The following POF1B variants were observed in gnomAD, a reference collection of about 807,000 sequenced individuals.
POF1B encodes protein POF1B.
POF1B carries 53 observed loss-of-function variants against 55.3 expected under a neutral mutation model. The ratio of observed to expected loss-of-function variants is 0.96; its 90% CI spans 0.77 to 1.20. The LOEUF (loss-of-function observed/expected upper bound fraction) is 1.20, where lower values mean the gene tolerates loss of function less well. POF1B is among the 50% of genes most tolerant of loss of function. The pLI, the probability that POF1B is intolerant of heterozygous loss-of-function variation, is 0.00. For missense variants in POF1B, 478 were observed against 420.5 expected, an observed-to-expected ratio of 1.14 and a Z score of -1.20; for synonymous variants, 188 against 148.3, an observed-to-expected ratio of 1.27 and a Z score of -1.95.
chrX:85,330,589 G>A (rs778566724), intron 7 of POF1B, among the ~76,000 whole-genome samples: 1 of 111,424 alleles, frequency 9.0e-6, no homozygotes, highest in Non-Finnish European at 1.9e-5. Context: ...AAAAGGGCTT[G>A]TGTTTTTTGT....
rs143029658 is a variant in POF1B, at chrX:85,351,391, C to A, written c.499G>T (p.Glu167Ter). 15 of 1,195,471 alleles carry A rather than the reference C, an allele frequency of 1.3e-5. No homozygotes were observed. The highest frequency in any genetic ancestry group is 1.6e-5 in the Non-Finnish European group (14 of 886,102). Residue 167 changes from glutamate to a stop codon, truncating the protein, a stop_gained, in exon 5 of 17, where the codon GAA becomes TAA. Coordinates refer to ENST00000262753, the MANE Select transcript of POF1B (RefSeq NM_024921.4). LOFTEE classifies it high-confidence loss of function. The stretch of plus-strand genomic sequence containing the variant: ...TTCTCCACTTTTCTTATTGTTTTTT[C>A]ATAAATAACATTGTTTCCTGGGAAG... Reference protein sequence around the residue: ...HFFPGNNVIYEKTIRKVEKLN... With the variant: ...HFFPGNNVIY
At chrX:85,378,746 C>T (rs1278926877) in intron 2 of POF1B, among the ~76,000 whole-genome samples, 2 of 112,155 alleles carry the variant, frequency 1.8e-5, no homozygotes, top group Admixed American at 1.9e-4. Context: ...TTGCTTATCA[C>T]TCAGACATGC....
At chrX:85,378,250 AGCATC>A (rs1933953840) in intron 2 of POF1B, among the ~76,000 whole-genome samples, 1 of 111,954 alleles carries the variant, frequency 8.9e-6, no homozygotes, top group Non-Finnish European at 1.9e-5. Flanking sequence ...AATGTAACAT[AGCATC>A]ATATCCCAAT....
At chrX:85,286,208 C>A (rs1932050701) in intron 15 of POF1B, among the ~76,000 whole-genome samples, 1 of 110,986 alleles carries the variant, frequency 9.0e-6, no homozygotes, top group Admixed American at 9.6e-5. Context: ...TTGATTATTA[C>A]AGAGTTGTTA....
rs1932767012 is a variant in POF1B at position 85,314,579 on chromosome X, T to C, written c.883-73A>G. 4 of 701,667 alleles carry C rather than the reference T, an allele frequency of 5.7e-6. No individual in the cohort carries two copies. The East Asian group carries it at 1.5e-4, about 27-fold the overall frequency. 57.8% of individuals were successfully genotyped at this position (701,667 alleles called of 1,213,427 possible). Reference sequence around the variant, plus strand: ...AAGATCAGCAATCCACAGACTTTTGTGTAATGGGACATATTTTAGGAATAT... The same window carrying C: ...AAGATCAGCAATCCACAGACTTTTGCGTAATGGGACATATTTTAGGAATAT... On this transcript the variant is annotated intron_variant, in intron 8 of 16. Transcript: ENST00000262753.
chrX:85,329,258 A>C (rs188604631), intron 7 of POF1B, among the ~76,000 whole-genome samples: 40 of 111,980 alleles, frequency 3.6e-4, no homozygotes, highest in African/African-American at 1.3e-3. Flanking sequence ...GAAATATTTT[A>C]AAATAATGAA....
At chrX:85,379,149 C>G (rs763183943) in intron 2 of POF1B, 24 bp downstream of exon 2, 4 of 1,199,695 alleles carry the variant, frequency 3.3e-6, no homozygotes, top group Non-Finnish European at 4.5e-6. Context: ...CTCCACTAGT[C>G]TGGCATAGCT....
Position 85,307,200 on chromosome X carries a change from A to G in POF1B, c.1127T>C (p.Leu376Pro). 1 of 1,207,140 alleles carries G rather than the reference A, an allele frequency of 8.3e-7. No homozygotes were observed. Among genetic ancestry groups the G allele is most frequent in the Non-Finnish European group, 1.1e-6 (1 of 893,220 alleles). The change falls in exon 11 of 17, where the codon CTC (leucine) becomes CCC (proline). Residue 376 changes from leucine to proline, a missense_variant. Coordinates refer to ENST00000262753, the MANE Select transcript of POF1B (RefSeq NM_024921.4). The part of the protein sequence containing the change: ...KDTQLKEYEE[L>P]LASVRANNHQ... ...ATTATTTGCTCTCACTGATGCCAAG[A>G]GTTCTTCGTACTCTTTTAATTGAGT...
intron 2 of POF1B, among the ~76,000 whole-genome samples, chrX:85,375,735 G>T (rs1933909575): frequency 9.0e-6 from 1 of 111,253 alleles, no homozygotes; most frequent in African/African-American, 3.3e-5. Context: ...TGCAACCAAA[G>T]AAAAAGCACA....
intron 4 of POF1B, among the ~76,000 whole-genome samples, chrX:85,351,688 T>C (rs955805474): frequency 9.0e-6 from 1 of 110,660 alleles, no homozygotes; most frequent in African/African-American, 3.3e-5. Context: ...CCTAATAACG[T>C]CTTTTGTGGA....
Position 85,309,604 on chromosome X carries a change from C to A in POF1B, c.958-1388G>T, listed in dbSNP as rs758942761. ...CTGGTGATCTAGTTACATCAATGGA[C>A]AACAAAAGTCCTGAGAAAAGCCTTC... On this transcript the variant is annotated intron_variant, in intron 9 of 16. Transcript: ENST00000262753. Among the ~76,000 whole-genome samples, 8 of 110,966 alleles carry A rather than the reference C, an allele frequency of 7.2e-5. No individual in the cohort carries two copies. The East Asian group carries it at 2.3e-3, about 32-fold the overall frequency.
In POF1B at chrX:85,279,095, T is replaced by C; in HGVS notation, c.*326A>G. The C allele has an allele frequency of 5.5e-6, 1 of 183,232 alleles. No homozygotes were observed. The highest frequency in any genetic ancestry group is 9.9e-5 in the East Asian group (1 of 10,069). The allele number at this position is 183,232 out of a possible 1,213,427, so 15.1% of individuals were successfully genotyped here. On this transcript the variant is annotated 3_prime_UTR_variant, in exon 17 of 17. Transcript: ENST00000262753. ...AAAATCTCTACCCCAACAAATTAGTTTGATATCTAGGAGTTACCTTATCTG... is the reference window on the plus strand; with the variant it reads ...AAAATCTCTACCCCAACAAATTAGTCTGATATCTAGGAGTTACCTTATCTG...
rs1931823501 is a variant in POF1B, at chrX:85,278,356, A to C, written c.*1065T>G. On this transcript the variant is annotated 3_prime_UTR_variant, in exon 17 of 17. Coordinates refer to ENST00000262753, the MANE Select transcript of POF1B (RefSeq NM_024921.4). ...TAATCTATACTTGGACAAAGGCAACATTTTAATTTTTGCTAAGTCTTAACT... is the reference window on the plus strand; with the variant it reads ...TAATCTATACTTGGACAAAGGCAACCTTTTAATTTTTGCTAAGTCTTAACT... 9.0e-6 allele frequency: 1 copy of C among 111,402 alleles called. No homozygotes were observed. The highest frequency in any genetic ancestry group is 1.9e-5 in the Non-Finnish European group (1 of 52,620). 9.2% of individuals were successfully genotyped at this position (111,402 alleles called of 1,213,427 possible).
chrX:85,354,526 T>C (rs757889505), intron 4 of POF1B, among the ~76,000 whole-genome samples: 133 of 111,330 alleles, frequency 1.2e-3, no homozygotes, highest in African/African-American at 4.1e-3. Context: ...ATTCCCTGTT[T>C]GCAGATGACA....
At chrX:85,350,699 AAAG>A (rs1933365011) in intron 5 of POF1B, among the ~76,000 whole-genome samples, 1 of 111,248 alleles carries the variant, frequency 9.0e-6, no homozygotes, top group East Asian at 2.9e-4. Flanking sequence ...ACACTTCTCA[AAAG>A]AAGACATTTA....
chrX:85,283,411 T>G (rs1417499600), intron 15 of POF1B, among the ~76,000 whole-genome samples: 1 of 110,115 alleles, frequency 9.1e-6, no homozygotes, highest in East Asian at 2.9e-4. Flanking sequence ...AAGATCCACA[T>G]TGGACTACTA....
At chrX:85,311,805 C>T (rs918649907) in intron 9 of POF1B, among the ~76,000 whole-genome samples, 5 of 111,911 alleles carry the variant, frequency 4.5e-5, no homozygotes, top group Admixed American at 9.5e-5. Flanking sequence ...AATCTAAAAG[C>T]GTTCCTATTT....
chrX:85,355,724 G>A (rs1394192358), intron 4 of POF1B, among the ~76,000 whole-genome samples: 1 of 111,941 alleles, frequency 8.9e-6, no homozygotes, highest in Non-Finnish European at 1.9e-5. Context: ...ATCGTCACTG[G>A]CCATCAGAGA....
At chrX:85,365,594 C>CT (rs1933706350) in intron 3 of POF1B, among the ~76,000 whole-genome samples, 1 of 111,638 alleles carries the variant, frequency 9.0e-6, no homozygotes, top group African/African-American at 3.3e-5. Context: ...TTGGTAGGCT[C>CT]TTGCTCTGTC....
Sources: allele counts gnomAD v4.1 joint callset (sites outside exome capture counted in the v4.1 genomes callset), GRCh38; gene constraint gnomAD v4.1.1; transcripts MANE v1.5; gene names NCBI Gene and HGNC (gene_info 2026-07-23, HGNC 2026-07-21).